NAALADL2: variants seen among roughly 807,000 people sequenced by gnomAD.
NAALADL2 encodes the protein N-acetylated alpha-linked acidic dipeptidase like 2, also known as inactive N-acetylated-alpha-linked acidic dipeptidase-like protein 2.
A neutral mutation model predicts 87.2 loss-of-function variants in NAALADL2; 76 were observed. That is an observed-to-expected ratio of 0.87 (90% CI 0.72 to 1.05). The LOEUF (loss-of-function observed/expected upper bound fraction) is 1.05. NAALADL2 is among the 50% of genes least tolerant of loss of function. The pLI, the probability that NAALADL2 is intolerant of heterozygous loss-of-function variation, is 0.00. For missense variants in NAALADL2, 1,089 were observed against 945.8 expected (o/e 1.15, Z -1.99); for synonymous variants, 354 against 331.0 (o/e 1.07, Z -0.75).
At position 175,806,714 on chromosome 3, in the gene NAALADL2, T is replaced by TA. The variant is rs1213714533; in HGVS notation, c.*3513dup. ...CCTTTTTTTTTTTTTTTTTTTTTTT[T>TA]AATTCCCACAACAACCCATTTCAAA... On this transcript the variant is annotated 3_prime_UTR_variant, in exon 14 of 14. Coordinates refer to ENST00000454872, the MANE Select transcript of NAALADL2 (RefSeq NM_207015.3). 7.2e-6 allele frequency: 1 copy of TA among 138,986 alleles called. No individual in the cohort carries two copies. The highest frequency in any genetic ancestry group is 7.3e-5 in the Admixed American group (1 of 13,636). The allele number at this position is 138,986 out of a possible 1,614,324, so 8.6% of individuals were successfully genotyped here.
intron 2 of NAALADL2, among the ~76,000 whole-genome samples, chr3:174,576,943 C>T (rs552934791): frequency 3.1e-3 from 475 of 151,976 alleles, no homozygotes; most frequent in Non-Finnish European, 4.7e-3. Flanking sequence ...TTAATATATA[C>T]GCTTCTTAAT....
At chr3:174,990,734 ACT>A (rs1313040407) in intron 1 of NAALADL2, among the ~76,000 whole-genome samples, 1 of 152,032 alleles carries the variant, frequency 6.6e-6, no homozygotes, top group Non-Finnish European at 1.5e-5. Context: ...GGCTCTCAAC[ACT>A]CTCTGCACAT....
chr3:174,696,435 C>G (rs1729016137), intron 2 of NAALADL2, among the ~76,000 whole-genome samples: 1 of 151,740 alleles, frequency 6.6e-6, no homozygotes, highest in Admixed American at 6.6e-5. Flanking sequence ...AAAATAAACA[C>G]CTTGGCTGTT....
intron 2 of NAALADL2, 84 bp downstream of exon 2, chr3:175,097,375 A>G (rs1721342384): frequency 3.1e-6 from 4 of 1,272,160 alleles, no homozygotes; most frequent in East Asian, 2.3e-5. Flanking sequence ...ATGATTTTTC[A>G]TGGTTCACGT....
intron 11 of NAALADL2, among the ~76,000 whole-genome samples, chr3:175,710,440 A>G (rs1267727038): frequency 6.6e-6 from 1 of 152,038 alleles, no homozygotes; most frequent in Non-Finnish European, 1.5e-5. Context: ...ATCAATTAAT[A>G]GCGGTATTTA....
chr3:174,536,982 A>G (rs1273487046), intron 1 of NAALADL2, among the ~76,000 whole-genome samples: 3 of 152,174 alleles, frequency 2.0e-5, no homozygotes, highest in East Asian at 1.9e-4. Context: ...TTCTTCCTGT[A>G]TTTTGAAAGA....
intron 1 of NAALADL2, among the ~76,000 whole-genome samples, chr3:174,452,316 A>C (rs1485772258): frequency 6.6e-6 from 1 of 152,066 alleles, no homozygotes; most frequent in African/African-American, 2.4e-5. Context: ...ACCTTTAAGA[A>C]TTTTAATTTT....
chr3:175,625,625 G>T (rs1056950742), intron 10 of NAALADL2, among the ~76,000 whole-genome samples: 1 of 151,944 alleles, frequency 6.6e-6, no homozygotes, highest in Non-Finnish European at 1.5e-5. Context: ...ACAGAATCTT[G>T]GGATATTAAT....
intron 1 of NAALADL2, among the ~76,000 whole-genome samples, chr3:174,527,503 G>C (rs147119301): frequency 0.031 from 4,658 of 148,222 alleles, 99 homozygotes; most frequent in Non-Finnish European, 0.047. Context: ...TGGGCAACAA[G>C]AGTGAAACTC....
intron 3 of NAALADL2, among the ~76,000 whole-genome samples, chr3:174,771,375 A>G (rs1366083949): frequency 6.6e-6 from 1 of 152,238 alleles, no homozygotes; most frequent in African/African-American, 2.4e-5. Flanking sequence ...ACTAGCTTCT[A>G]TTGAGTGCAA....
In NAALADL2 at chr3:174,561,270, G is replaced by A. The variant is rs143806789; in HGVS notation, c.-115+10633G>A. Reference sequence around the variant, plus strand: ...GCTGGAGTGCAGTGGTGCGATCTTGGCTCACTGCAACCTCTGACGCCCTGG... The same window carrying A: ...GCTGGAGTGCAGTGGTGCGATCTTGACTCACTGCAACCTCTGACGCCCTGG... On this transcript the variant is annotated intron_variant, in intron 2 of 3. Coordinates refer to the NAALADL2 transcript ENST00000434257. Among the ~76,000 whole-genome samples, 667 of 149,800 alleles carry A rather than the reference G, an allele frequency of 4.5e-3. 7 individuals are homozygous for A. Among genetic ancestry groups the A allele is most frequent in the South Asian group, 0.023 (111 of 4,744 alleles).
At chr3:175,762,244 A>G (rs1183521276) in intron 13 of NAALADL2, among the ~76,000 whole-genome samples, 1 of 103,226 alleles carries the variant, frequency 9.7e-6, no homozygotes, top group African/African-American at 3.9e-5. Context: ...ATTGTTTGTT[A>G]AGACTCTCTT....
chr3:174,471,193 G>A (rs1451023588), intron 1 of NAALADL2, among the ~76,000 whole-genome samples: 2 of 151,280 alleles, frequency 1.3e-5, no homozygotes, highest in Admixed American at 1.3e-4. Flanking sequence ...GTAACTTAAG[G>A]TTAAAACCTT....
chr3:174,549,907 A>G (rs984467270), intron 1 of NAALADL2, among the ~76,000 whole-genome samples: 6 of 151,500 alleles, frequency 4.0e-5, no homozygotes, highest in Admixed American at 3.9e-4. Context: ...TTTTTTTTCC[A>G]ATGTCTCTTT....
At chr3:175,185,381 C>T (rs1464810245) in intron 2 of NAALADL2, among the ~76,000 whole-genome samples, 1 of 151,852 alleles carries the variant, frequency 6.6e-6, no homozygotes, top group Non-Finnish European at 1.5e-5. Flanking sequence ...AAATGTAAAT[C>T]ACCCTAAATA....
At chr3:174,775,381 G>A (rs927990711) in intron 3 of NAALADL2, among the ~76,000 whole-genome samples, 2 of 151,996 alleles carry the variant, frequency 1.3e-5, no homozygotes, top group African/African-American at 4.8e-5. Context: ...TCATAAAAGT[G>A]GAATAACAAT....
chr3:174,850,260 C>T (rs2109470815), intron 3 of NAALADL2, among the ~76,000 whole-genome samples: 1 of 152,116 alleles, frequency 6.6e-6, no homozygotes, highest in East Asian at 1.9e-4. Context: ...ACTGGGATGT[C>T]TGCTGCCAGA....
chr3:174,730,901 G>C (rs1401962832), intron 2 of NAALADL2, among the ~76,000 whole-genome samples: 1 of 151,974 alleles, frequency 6.6e-6, no homozygotes, highest in African/African-American at 2.4e-5. Context: ...GTGTTAGTCT[G>C]TATTTTAGAG....
intron 1 of NAALADL2, among the ~76,000 whole-genome samples, chr3:174,534,463 T>C (rs1721533194): frequency 6.6e-6 from 1 of 152,212 alleles, no homozygotes; most frequent in Non-Finnish European, 1.5e-5. Flanking sequence ...ACAGATTCTG[T>C]TTCTATCATT....
Sources: allele counts gnomAD v4.1 joint callset (sites outside exome capture counted in the v4.1 genomes callset), GRCh38; gene constraint gnomAD v4.1.1; transcripts MANE v1.5; gene names NCBI Gene and HGNC (gene_info 2026-07-23, HGNC 2026-07-21).